Variants in CCDC57 observed in about 807,000 individuals in gnomAD.
CCDC57 encodes the protein coiled-coil domain-containing protein 57.
A neutral mutation model predicts 118.9 loss-of-function variants in CCDC57; 118 were observed. That is an observed-to-expected ratio of 0.99 (90% CI 0.86 to 1.16). CCDC57 has a LOEUF of 1.16. Among genes scored for constraint, CCDC57 ranks in the 50% most tolerant of loss-of-function variants. CCDC57 has a pLI of 0.00. For missense variants in CCDC57, 1,300 were observed against 1,320.7 expected, an observed-to-expected ratio of 0.98 and a Z score of 0.24; for synonymous variants, 527 against 532.9, an observed-to-expected ratio of 0.99 and a Z score of 0.15.
chr17:82,197,792 G>A (rs947350099), intron 4 of CCDC57, among the ~76,000 whole-genome samples: 1 of 152,138 alleles, frequency 6.6e-6, no homozygotes, highest in Non-Finnish European at 1.5e-5. Flanking sequence ...GGGTGAACTC[G>A]CTCTCTCTGC....
intron 8 of CCDC57, 99 bp from the exon 8 acceptor site, chr17:82,184,031 G>GCA (rs71166198): frequency 0.011 from 1,384 of 131,664 alleles, 15 homozygotes; most frequent in African/African-American, 0.019. Flanking sequence ...GCGCGCGCGC[G>GCA]CACACACACA....
At chr17:82,193,810 T>G in exon 7 of CCDC57, 1 of 1,599,292 alleles carries the variant, frequency 6.3e-7, no homozygotes, top group Non-Finnish European at 8.5e-7. Flanking sequence ...AGAGTGAAGT[T>G]TATCCTCTAA....
At chr17:82,129,522 T>C (rs2038005534) in intron 17 of CCDC57, among the ~76,000 whole-genome samples, 1 of 152,154 alleles carries the variant, frequency 6.6e-6, no homozygotes, top group Admixed American at 6.6e-5. Context: ...TGGCCCATGT[T>C]TACCAACGTT....
In CCDC57 at chr17:82,134,081, TA is replaced by T; in HGVS notation, c.2568del (p.Phe856LeufsTer47). 5 of 1,412,960 alleles carry T rather than the reference TA, an allele frequency of 3.5e-6. No homozygotes were observed. In the South Asian group the frequency reaches 4.8e-5, roughly 14 times the overall value. The allele number at this position is 1,412,960 out of a possible 1,614,324, so 87.5% of individuals were successfully genotyped here. ...AGATGAAGGGGTGTTACCTGAGATG[TA>T]AAATGGGGCTGCACCTGTCCCAAAG... On this transcript the variant is annotated frameshift_variant, in exon 17 of 20. Coordinates refer to ENST00000665763, the Ensembl canonical transcript of CCDC57. LOFTEE classifies it high-confidence loss of function.
chr17:82,203,755 T>A (rs2146944498), intron 2 of CCDC57, among the ~76,000 whole-genome samples: 1 of 152,332 alleles, frequency 6.6e-6, no homozygotes, highest in South Asian at 2.1e-4. Context: ...ACAGGGGAAC[T>A]GCATGGCCTA....
At chr17:82,163,451 G>A (rs1284962218) in intron 13 of CCDC57, 94 bp from the exon 13 acceptor site, 21 of 1,467,304 alleles carry the variant, frequency 1.4e-5, no homozygotes, top group East Asian at 2.4e-5. Context: ...TCCCTTTCCC[G>A]TGAGGCCATG....
At chr17:82,108,122 A>G (rs1485949197) in intron 19 of CCDC57, among the ~76,000 whole-genome samples, 1 of 152,242 alleles carries the variant, frequency 6.6e-6, no homozygotes, top group Admixed American at 6.5e-5. Flanking sequence ...TCAGAGTCAG[A>G]GGCCACAGGC....
chr17:82,157,724 CAGG>C (rs989749501), intron 15 of CCDC57, 21 bp downstream of exon 14: 3 of 1,552,464 alleles, frequency 1.9e-6, no homozygotes, highest in Non-Finnish European at 2.6e-6. Context: ...CGGCGGGTGG[CAGG>C]AGGAGCTAGC....
intron 11 of CCDC57, 119 bp downstream of exon 10, chr17:82,178,350 GGTCAT>G: frequency 8.8e-7 from 1 of 1,139,434 alleles, no homozygotes; most frequent in Non-Finnish European, 1.2e-6. Flanking sequence ...TTGTGCAACA[GGTCAT>G]TTAAAAAGAA....
At chr17:82,133,717 C>T (rs533312386) in intron 17 of CCDC57, among the ~76,000 whole-genome samples, 2 of 151,812 alleles carry the variant, frequency 1.3e-5, no homozygotes, top group South Asian at 4.2e-4. Flanking sequence ...AAAAATTAGT[C>T]AGGCGTGTTG....
intron 16 of CCDC57, among the ~76,000 whole-genome samples, chr17:82,150,519 A>G (rs1260140265): frequency 8.6e-6 from 1 of 116,084 alleles, no homozygotes; most frequent in African/African-American, 3.4e-5. Flanking sequence ...CCAGGCGCAC[A>G]CTCAGAACCT....
chr17:82,193,655 T>G, intron 7 of CCDC57, 101 bp downstream of exon 6: 1 of 991,154 alleles, frequency 1.0e-6, no homozygotes. Context: ...ATCCCTGGAG[T>G]GGGACCCTCT....
In CCDC57 at chr17:82,194,309, C is replaced by CA. The variant is rs1555765628; in HGVS notation, c.619-171_619-170insT. ...ACACAACTCAAACGAGACTCAATGA[C>CA]TTTTTTTTTTTTCTTTTTGGAGACA... is the stretch of plus-strand genomic sequence containing the variant. On this transcript the variant is annotated intron_variant, in intron 5 of 19. Coordinates refer to ENST00000665763, the Ensembl canonical transcript of CCDC57. The CA allele has an allele frequency of 2.8e-4, 147 of 517,950 alleles. 1 individual carries two copies. Among genetic ancestry groups the CA allele is most frequent in the African/African-American group, 2.5e-3 (124 of 50,128 alleles). The allele number at this position is 517,950 out of a possible 1,614,324, so 32.1% of individuals were successfully genotyped here. A position where few individuals can be genotyped will look rare whatever the true frequency, so the allele number is the denominator to read the frequency against.
At chr17:82,120,259 G>C (rs1348539238) in intron 19 of CCDC57, among the ~76,000 whole-genome samples, 1 of 151,488 alleles carries the variant, frequency 6.6e-6, no homozygotes, top group Admixed American at 6.6e-5. Context: ...CCAAAGTGCT[G>C]GGTTTACAGG....
intron 19 of CCDC57, among the ~76,000 whole-genome samples, chr17:82,114,868 T>C (rs1444115012): frequency 1.3e-5 from 2 of 152,234 alleles, no homozygotes; most frequent in Admixed American, 6.5e-5. Flanking sequence ...AAACACTTTA[T>C]ATATAAAAAG....
chr17:82,145,805 G>A (rs2040654286), intron 16 of CCDC57: 1 of 466,332 alleles, frequency 2.1e-6, no homozygotes, highest in Non-Finnish European at 4.4e-6. Flanking sequence ...GAACCCTGTA[G>A]CAGGCAGGTG....
chr17:82,206,152 A>T (rs549582992), intron 2 of CCDC57, among the ~76,000 whole-genome samples: 1 of 152,340 alleles, frequency 6.6e-6, no homozygotes, highest in African/African-American at 2.4e-5. Context: ...CTTTCAGGAG[A>T]ACCAGTGGGG....
intron 13 of CCDC57, among the ~76,000 whole-genome samples, chr17:82,164,601 T>A (rs1428949824): frequency 1.3e-5 from 2 of 150,768 alleles, no homozygotes; most frequent in African/African-American, 2.4e-5. Flanking sequence ...CAAAAAGGAG[T>A]CAACACTTCA....
chr17:82,145,014 CT>C (rs557078740), intron 16 of CCDC57, among the ~76,000 whole-genome samples: 6,868 of 130,734 alleles, frequency 0.053, 228 homozygotes, highest in African/African-American at 0.098. Flanking sequence ...TATTTCTTTT[CT>C]TTTTTTTTTT....
Sources: allele counts gnomAD v4.1 joint callset (sites outside exome capture counted in the v4.1 genomes callset), GRCh38; gene constraint gnomAD v4.1.1; transcripts MANE v1.5; gene names NCBI Gene and HGNC (gene_info 2026-07-23, HGNC 2026-07-21).